BIN3: variants seen among roughly 807,000 people sequenced by gnomAD.
BIN3 encodes the protein bridging integrator 3.
A neutral mutation model predicts 38.2 loss-of-function variants in BIN3; 41 were observed. The observed-to-expected ratio is 1.07, with a 90% CI of 0.84 to 1.39. The LOEUF is 1.39. BIN3 is among the 40% of genes most tolerant of loss of function. The pLI, the probability that BIN3 is intolerant of heterozygous loss-of-function variation, is 0.00. For synonymous variants in BIN3, 145 were observed against 122.6 expected, an observed-to-expected ratio of 1.18 and a Z score of -1.21; for missense variants, 361 against 324.3, an observed-to-expected ratio of 1.11 and a Z score of -0.87.
At chr8:22,632,542 A>C (rs1219419074) in intron 4 of BIN3, among the ~76,000 whole-genome samples, 1 of 152,232 alleles carries the variant, frequency 6.6e-6, no homozygotes, top group Non-Finnish European at 1.5e-5. Context: ...GTATAACTTG[A>C]TTTGATTATG....
chr8:22,625,286 A>C (rs876714), intron 6 of BIN3: 9 of 701,444 alleles, frequency 1.3e-5, no homozygotes, highest in African/African-American at 3.5e-5. Flanking sequence ...CCCTCGGTGC[A>C]ATGGCAGGGG....
chr8:22,623,863 T>A, intron 8 of BIN3, 52 bp downstream of exon 8: 1 of 1,574,644 alleles, frequency 6.4e-7, no homozygotes, highest in Non-Finnish European at 8.6e-7. Context: ...TGACAGGGAG[T>A]GGCATGAGCT....
intron 6 of BIN3, chr8:22,624,615 A>G: frequency 4.1e-6 from 2 of 485,428 alleles, no homozygotes; most frequent in South Asian, 2.9e-5. Context: ...GAACGTGGAC[A>G]ATGTCATGGG....
intron 1 of BIN3, among the ~76,000 whole-genome samples, chr8:22,649,124 G>A (rs1228008120): frequency 1.3e-5 from 2 of 152,128 alleles, no homozygotes; most frequent in Non-Finnish European, 2.9e-5. Context: ...ATTCAGCCAA[G>A]TGGCTGTTCA....
intron 1 of BIN3, among the ~76,000 whole-genome samples, chr8:22,650,370 C>T (rs1055116405): frequency 1.3e-5 from 2 of 152,164 alleles, no homozygotes; most frequent in African/African-American, 4.8e-5. Flanking sequence ...CACTTTTGTA[C>T]ATGCTTGTGT....
At chr8:22,639,338 A>T (rs1802465580) in intron 2 of BIN3, among the ~76,000 whole-genome samples, 1 of 151,802 alleles carries the variant, frequency 6.6e-6, no homozygotes, top group South Asian at 2.1e-4. Context: ...CTCAAGCAAT[A>T]CTTCTGTCTC....
chr8:22,628,647 C>G (rs1032801650), intron 6 of BIN3, among the ~76,000 whole-genome samples: 55 of 152,234 alleles, frequency 3.6e-4, no homozygotes, highest in African/African-American at 1.3e-3. Flanking sequence ...CTTGCTGATA[C>G]TGAAACTGAG....
intron 8 of BIN3, chr8:22,622,741 CAGTG>C (rs937548115): frequency 1.3e-5 from 2 of 152,396 alleles, no homozygotes; most frequent in African/African-American, 2.4e-5. Flanking sequence ...ACCCAGGTGA[CAGTG>C]AGGAAGAGGC....
At chr8:22,625,534 G>C in intron 6 of BIN3, 1 of 653,708 alleles carries the variant, frequency 1.5e-6, no homozygotes, top group East Asian at 2.7e-5. Flanking sequence ...TCAGGTTCCA[G>C]GAGCTCAGCT....
chr8:22,645,565 AGAG>A (rs1563968872), intron 1 of BIN3, among the ~76,000 whole-genome samples: 8 of 143,138 alleles, frequency 5.6e-5, no homozygotes, highest in African/African-American at 2.1e-4. Flanking sequence ...GGAAAGGGGA[AGAG>A]AGGAAAGGCG....
chr8:22,642,920 CCT>C (rs1486438925), intron 2 of BIN3, among the ~76,000 whole-genome samples: 1 of 152,316 alleles, frequency 6.6e-6, no homozygotes, highest in Non-Finnish European at 1.5e-5. Flanking sequence ...AGAGGGATGC[CCT>C]GTGTGCATCT....
intron 1 of BIN3, among the ~76,000 whole-genome samples, chr8:22,646,163 A>G (rs1477536559): frequency 6.6e-6 from 1 of 152,196 alleles, no homozygotes; most frequent in Non-Finnish European, 1.5e-5. Flanking sequence ...TGAGCATTCT[A>G]TGATTCTCCA....
intron 2 of BIN3, among the ~76,000 whole-genome samples, chr8:22,638,846 A>G (rs1217669072): frequency 6.6e-6 from 1 of 152,188 alleles, no homozygotes; most frequent in African/African-American, 2.4e-5. Flanking sequence ...TCTTTTCAAC[A>G]GACTCTTTCT....
Position 22,624,360 on chromosome 8 carries a change from G to A in BIN3, c.342C>T (p.Phe114=), listed in dbSNP as rs778303703. 1.1e-5 allele frequency: 17 copies of A among 1,611,728 alleles called. No homozygotes were observed. Among genetic ancestry groups the A allele is most frequent in the Middle Eastern group, 3.3e-4 (2 of 6,046 alleles). The change falls in exon 7 of 9, where the codon TTC becomes TTT. Residue 114 remains phenylalanine, a synonymous_variant. Coordinates refer to ENST00000276416, the MANE Select transcript of BIN3 (RefSeq NM_018688.6). ...TGTTGAGGCTCGGGAAGACACTGCC[G>A]AACCTGTGGGACAAGCTGGCTGGAG... ...QKTVIEPLKK[F]GSVFPSLNMA... is the part of the protein sequence containing the mutation.
rs374883546 is a variant in BIN3 at position 22,630,009 on chromosome 8, C to T, written c.298-5G>A. Reference sequence around the variant, plus strand: ...AGTCTTCTGGATCTGGTTCACCTGTCAAAGAAAAACCCAAAGACATTAAAA... The same window carrying T: ...AGTCTTCTGGATCTGGTTCACCTGTTAAAGAAAAACCCAAAGACATTAAAA... On this transcript the variant is annotated splice_region_variant and splice_polypyrimidine_tract_variant and intron_variant, in intron 5 of 8. Transcript: ENST00000276416. The T allele has an allele frequency of 3.1e-6, 5 of 1,608,146 alleles. 1 individual carries two copies. Among genetic ancestry groups the T allele is most frequent in the South Asian group, 2.2e-5 (2 of 89,912 alleles).
At chr8:22,665,371 AG>A (rs1377332361) in intron 1 of BIN3, among the ~76,000 whole-genome samples, 1 of 152,242 alleles carries the variant, frequency 6.6e-6, no homozygotes, top group African/African-American at 2.4e-5. Context: ...CCTGACTGCC[AG>A]GAACAGTGCT....
intron 1 of BIN3, 100 bp downstream of exon 1, chr8:22,668,944 C>T: frequency 6.7e-7 from 1 of 1,483,314 alleles, no homozygotes; most frequent in East Asian, 2.5e-5. Context: ...GCGGAGGGGT[C>T]GCGCGGGACC....
intron 1 of BIN3, 79 bp downstream of exon 1, chr8:22,668,965 G>C: frequency 6.5e-7 from 1 of 1,537,574 alleles, no homozygotes; most frequent in South Asian, 1.2e-5. Context: ...GGAGGGAGCC[G>C]GGACGCGGCA....
At chr8:22,663,836 G>T (rs1049085583) in intron 1 of BIN3, among the ~76,000 whole-genome samples, 3 of 152,124 alleles carry the variant, frequency 2.0e-5, no homozygotes, top group Non-Finnish European at 4.4e-5. Flanking sequence ...GAAACAGCAC[G>T]TATTTGCTAA....
Sources: allele counts gnomAD v4.1 joint callset (sites outside exome capture counted in the v4.1 genomes callset), GRCh38; gene constraint gnomAD v4.1.1; transcripts MANE v1.5; gene names NCBI Gene and HGNC (gene_info 2026-07-23, HGNC 2026-07-21).